The following TXNDC16 variants were observed in gnomAD, a reference collection of about 807,000 sequenced individuals.
TXNDC16 encodes thioredoxin domain containing 16.
In TXNDC16, 74 loss-of-function variants were observed where a neutral mutation model predicts 85.6. That is an observed-to-expected ratio of 0.86 (90% CI 0.72 to 1.05). The LOEUF (loss-of-function observed/expected upper bound fraction) is 1.05. Ranked by LOEUF, TXNDC16 falls within the 50% of genes least tolerant of loss-of-function variation. The pLI, the probability that TXNDC16 is intolerant of heterozygous loss-of-function variation, is 0.00. For synonymous variants in TXNDC16, 335 were observed against 326.5 expected, an observed-to-expected ratio of 1.03 and a Z score of -0.28; for missense variants, 959 against 947.0, an observed-to-expected ratio of 1.01 and a Z score of -0.17.
At chr14:52,489,243 A>G (rs1417284260) in intron 11 of TXNDC16, among the ~76,000 whole-genome samples, 1 of 152,216 alleles carries the variant, frequency 6.6e-6, no homozygotes, top group African/African-American at 2.4e-5. Flanking sequence ...TATAAACAAC[A>G]CTAAATTACT....
At chr14:52,456,200 G>C (rs2035529513) in intron 17 of TXNDC16, among the ~76,000 whole-genome samples, 2 of 152,102 alleles carry the variant, frequency 1.3e-5, no homozygotes, top group Non-Finnish European at 2.9e-5. Context: ...TAGTTGAGAG[G>C]CCAGTTTTCA....
At chr14:52,490,526 A>G in intron 10 of TXNDC16, 75 bp from the exon 11 acceptor site, 1 of 1,093,674 alleles carries the variant, frequency 9.1e-7, no homozygotes, top group Non-Finnish European at 1.3e-6. Context: ...TCAATAGAAA[A>G]TAGAACTACA....
At chr14:52,490,501 T>C (rs774530188) in intron 10 of TXNDC16, 50 bp from the exon 11 acceptor site, 12 of 1,378,380 alleles carry the variant, frequency 8.7e-6, no homozygotes, top group Non-Finnish European at 1.1e-5. Flanking sequence ...TGAAGAATAA[T>C]AGTCACCCAG....
intron 14 of TXNDC16, among the ~76,000 whole-genome samples, chr14:52,478,837 C>A (rs1308401434): frequency 1.3e-5 from 2 of 151,990 alleles, no homozygotes; most frequent in Non-Finnish European, 2.9e-5. Flanking sequence ...ACCCTAATAC[C>A]AAAACCAGGA....
intron 3 of TXNDC16, among the ~76,000 whole-genome samples, chr14:52,542,677 C>A (rs968886613): frequency 2.0e-5 from 3 of 152,110 alleles, no homozygotes; most frequent in Non-Finnish European, 2.9e-5. Flanking sequence ...ACCTTAAAAA[C>A]TTCCTAAAAC....
chr14:52,537,499 CT>C, intron 5 of TXNDC16, 99 bp downstream of exon 5: 1 of 868,764 alleles, frequency 1.2e-6, no homozygotes, highest in Non-Finnish European at 1.8e-6. Flanking sequence ...ATGATCCCCC[CT>C]ACATATGACT....
rs1382733523 is a variant in TXNDC16 at position 52,432,267 on chromosome 14, A to C, written c.*37T>G. 2 of 1,542,360 alleles carry C rather than the reference A, an allele frequency of 1.3e-6. No homozygotes were observed. Among genetic ancestry groups the C allele is most frequent in the Non-Finnish European group, 8.7e-7 (1 of 1,149,296 alleles). The stretch of plus-strand genomic sequence containing the variant: ...TTTAAGGAAATAAATTAAGTCTATC[A>C]TGCCAAAAAAATTTTGGAAACCACA... On this transcript the variant is annotated 3_prime_UTR_variant, in exon 21 of 21. Coordinates refer to ENST00000281741, the MANE Select transcript of TXNDC16 (RefSeq NM_020784.3).
At chr14:52,490,785 G>A (rs2036381877) in intron 10 of TXNDC16, 54 bp downstream of exon 10, 18 of 1,540,390 alleles carry the variant, frequency 1.2e-5, no homozygotes, top group Middle Eastern at 3.4e-4. Flanking sequence ...ATTTTAAAAC[G>A]TGGAAACTAT....
rs925383556 is a variant in TXNDC16 at position 52,482,859 on chromosome 14, C to T, written c.1215G>A (p.Val405=). Residue 405 remains valine, a synonymous_variant, in exon 13 of 21, where the codon GTG becomes GTA. Transcript: ENST00000281741. ...ELTEETFNAT[V]MASDSIVLFY... ...AGAGTACTATGCTGTCAGAAGCCAT[C>T]ACTGTTGCATTAAATGTTTCTTCTG... The T allele has an allele frequency of 2.0e-5, 32 of 1,612,006 alleles. No individual in the cohort carries two copies. The highest frequency in any genetic ancestry group is 2.6e-5 in the Non-Finnish European group (31 of 1,179,344).
rs1352238294 is a variant in TXNDC16, at chr14:52,543,715, CATTA to C, written c.-73-89_-73-86del. 6.5e-6 allele frequency: 5 copies of C among 770,188 alleles called. No individual in the cohort carries two copies. The East Asian group carries it at 1.5e-4, about 23-fold the overall frequency. The allele number at this position is 770,188 out of a possible 1,614,324, so 47.7% of individuals were successfully genotyped here. ...GAAGTAAAATCTACAAAAAGAAAGT[CATTA>C]GTCACATCATTTGATTTTGCTAGTA... On this transcript the variant is annotated intron_variant, in intron 2 of 20. Transcript: ENST00000281741.
At chr14:52,514,636 T>C (rs1013838702) in intron 8 of TXNDC16, among the ~76,000 whole-genome samples, 1 of 152,128 alleles carries the variant, frequency 6.6e-6, no homozygotes, top group African/African-American at 2.4e-5. Context: ...ACTCACATCT[T>C]GTGGCTTATC....
chr14:52,505,516 A>G (rs1391924180), intron 9 of TXNDC16, among the ~76,000 whole-genome samples: 1 of 152,248 alleles, frequency 6.6e-6, no homozygotes, highest in Non-Finnish European at 1.5e-5. Flanking sequence ...TTTGAAACCA[A>G]TGAGAACAAA....
intron 1 of TXNDC16, among the ~76,000 whole-genome samples, chr14:52,546,683 T>C (rs1038951598): frequency 6.6e-6 from 1 of 152,188 alleles, no homozygotes; most frequent in Admixed American, 6.5e-5. Context: ...GCATGTGACA[T>C]AGGAAGAAAT....
At chr14:52,469,955 T>G (rs2035864606) in intron 16 of TXNDC16, 82 bp downstream of exon 16, 2 of 1,321,830 alleles carry the variant, frequency 1.5e-6, no homozygotes, top group Non-Finnish European at 2.0e-6. Flanking sequence ...TTCTCTATAA[T>G]TTAAAAAGAT....
At chr14:52,500,630 C>T (rs2036635547) in intron 9 of TXNDC16, among the ~76,000 whole-genome samples, 1 of 152,094 alleles carries the variant, frequency 6.6e-6, no homozygotes, top group Non-Finnish European at 1.5e-5. Context: ...GAAAAAAAGT[C>T]TCTAAAATAA....
chr14:52,519,617 C>A (rs2037164153), intron 6 of TXNDC16, among the ~76,000 whole-genome samples: 2 of 152,198 alleles, frequency 1.3e-5, no homozygotes, highest in Admixed American at 1.3e-4. Context: ...CACATTTAAG[C>A]CCTTCACAAA....
At chr14:52,463,069 C>T (rs2035688461) in intron 16 of TXNDC16, 5 of 433,934 alleles carry the variant, frequency 1.2e-5, no homozygotes, top group South Asian at 1.7e-5. Flanking sequence ...TTGCCATTTA[C>T]TGTCAGTTTC....
chr14:52,511,674 G>A (rs2036958901), intron 8 of TXNDC16, among the ~76,000 whole-genome samples: 1 of 151,878 alleles, frequency 6.6e-6, no homozygotes, highest in South Asian at 2.1e-4. Flanking sequence ...TAGGTTATAG[G>A]CAAGCCTATA....
intron 7 of TXNDC16, among the ~76,000 whole-genome samples, chr14:52,518,526 A>G (rs541783487): frequency 6.6e-6 from 1 of 152,338 alleles, no homozygotes; most frequent in East Asian, 1.9e-4. Flanking sequence ...AAACTCAGTT[A>G]GCTTTACTTC....
Sources: gnomAD v4.1 joint callset for allele counts (sites outside exome capture counted in the v4.1 genomes callset) on GRCh38, gnomAD v4.1.1 for gene constraint, MANE v1.5 for transcripts, NCBI Gene and HGNC (gene_info 2026-07-23, HGNC 2026-07-21) for gene names.